Variants in FHIT observed in about 807,000 individuals in gnomAD.
The protein encoded by FHIT is bis(5'-adenosyl)-triphosphatase.
FHIT carries 19 observed loss-of-function variants against 17.9 expected under a neutral mutation model. The observed-to-expected ratio is 1.06, with a 90% confidence interval of 0.74 to 1.56. The LOEUF (loss-of-function observed/expected upper bound fraction) is 1.56. Ranked by LOEUF, FHIT falls within the 40% of genes most tolerant of loss-of-function variation. The probability of loss-of-function intolerance (pLI) is 0.00; values close to 1 mark genes in which losing one functional copy is unlikely to be tolerated. For missense variants in FHIT, 248 were observed against 189.2 expected (o/e 1.31, Z -1.82); for synonymous variants, 81 against 69.7 (o/e 1.16, Z -0.81).
At chr3:60,532,560 A>C (rs994260425) in intron 5 of FHIT, among the ~76,000 whole-genome samples, 2 of 152,250 alleles carry the variant, frequency 1.3e-5, no homozygotes, top group Admixed American at 1.3e-4. Flanking sequence ...TGTCACCAAG[A>C]AACTCTGAAA....
intron 5 of FHIT, among the ~76,000 whole-genome samples, chr3:60,107,884 T>C (rs972695394): frequency 1.3e-5 from 2 of 152,198 alleles, no homozygotes; most frequent in African/African-American, 2.4e-5. Flanking sequence ...CAGGAAAGAA[T>C]AGTGTTGACA....
chr3:60,350,493 A>G (rs112975579), intron 5 of FHIT, among the ~76,000 whole-genome samples: 1,542 of 152,248 alleles, frequency 0.01, 31 homozygotes, highest in African/African-American at 0.035. Flanking sequence ...CACAATTTTT[A>G]AAACCATTAT....
chr3:60,434,949 G>GT (rs1000491794), intron 5 of FHIT, among the ~76,000 whole-genome samples: 2 of 152,086 alleles, frequency 1.3e-5, no homozygotes, highest in Non-Finnish European at 2.9e-5. Context: ...TTGTAACAGT[G>GT]TTTTTTCTCC....
chr3:60,546,960 T>C (rs2036388091), intron 4 of FHIT, among the ~76,000 whole-genome samples: 1 of 152,152 alleles, frequency 6.6e-6, no homozygotes. Flanking sequence ...CACCTATTTC[T>C]TCAAGTTTTA....
At chr3:60,179,786 C>T (rs770508450) in intron 5 of FHIT, among the ~76,000 whole-genome samples, 1 of 152,116 alleles carries the variant, frequency 6.6e-6, no homozygotes, top group Non-Finnish European at 1.5e-5. Flanking sequence ...TAAGGAAAAG[C>T]TAGGCCATCT....
chr3:59,807,599 G>T (rs1162721491), intron 8 of FHIT, among the ~76,000 whole-genome samples: 1 of 152,160 alleles, frequency 6.6e-6, no homozygotes, highest in Non-Finnish European at 1.5e-5. Context: ...TTATTCTGTA[G>T]CATGTGCTGT....
chr3:59,963,526 T>C (rs1277347865), intron 7 of FHIT, among the ~76,000 whole-genome samples: 1 of 152,120 alleles, frequency 6.6e-6, no homozygotes, highest in Admixed American at 6.5e-5. Flanking sequence ...AACTTGAATC[T>C]CATTCAGTGG....
intron 2 of FHIT, among the ~76,000 whole-genome samples, chr3:61,045,484 T>C (rs1336030991): frequency 1.3e-5 from 2 of 152,174 alleles, no homozygotes; most frequent in Non-Finnish European, 2.9e-5. Flanking sequence ...CCCAGATTCA[T>C]AAAGCAAGAC....
intron 5 of FHIT, among the ~76,000 whole-genome samples, chr3:60,032,620 C>G (rs1244754802): frequency 6.6e-6 from 1 of 152,124 alleles, no homozygotes; most frequent in Admixed American, 6.6e-5. Flanking sequence ...CTACCTAAAT[C>G]TGCTGATCAA....
intron 2 of FHIT, among the ~76,000 whole-genome samples, chr3:61,113,553 C>T (rs567111661): frequency 9.9e-5 from 15 of 152,258 alleles, no homozygotes; most frequent in South Asian, 8.3e-4. Context: ...TTGTTCCTAA[C>T]TCTTAGTTAG....
chr3:59,836,520 A>C (rs1480906485), intron 8 of FHIT, among the ~76,000 whole-genome samples: 1 of 152,192 alleles, frequency 6.6e-6, no homozygotes, highest in African/African-American at 2.4e-5. Flanking sequence ...ACCTCTGCAC[A>C]TGCCATATGA....
intron 5 of FHIT, among the ~76,000 whole-genome samples, chr3:60,421,457 C>A (rs982933999): frequency 2.0e-5 from 3 of 152,010 alleles, no homozygotes; most frequent in African/African-American, 7.2e-5. Context: ...TGGTGAGACC[C>A]AGAAATTTTA....
chr3:59,792,192 T>C (rs1336802349), intron 8 of FHIT, among the ~76,000 whole-genome samples: 1 of 152,216 alleles, frequency 6.6e-6, no homozygotes. Context: ...TTGAACCCCA[T>C]GGAGGGTTTT....
intron 1 of FHIT, among the ~76,000 whole-genome samples, chr3:61,228,456 T>A (rs1223753774): frequency 6.6e-6 from 1 of 152,224 alleles, no homozygotes; most frequent in Admixed American, 6.5e-5. Flanking sequence ...CTACTCTTTA[T>A]CCAATTCCAT....
At chr3:60,997,316 A>G (rs1425477754) in intron 3 of FHIT, among the ~76,000 whole-genome samples, 1 of 152,148 alleles carries the variant, frequency 6.6e-6, no homozygotes, top group Non-Finnish European at 1.5e-5. Flanking sequence ...AGAAAGGTAA[A>G]GTGCTGGTAC....
intron 5 of FHIT, among the ~76,000 whole-genome samples, chr3:60,213,410 G>C (rs1703546814): frequency 6.6e-6 from 1 of 152,132 alleles, no homozygotes. Flanking sequence ...CAGCTACATG[G>C]GAGATGCTTC....
At chr3:60,511,022 G>C (rs1483796418) in intron 5 of FHIT, among the ~76,000 whole-genome samples, 1 of 152,086 alleles carries the variant, frequency 6.6e-6, no homozygotes, top group African/African-American at 2.4e-5. Flanking sequence ...ATAATGAGTA[G>C]CTATTTTATT....
chr3:60,343,774 T>C (rs1444260823), intron 5 of FHIT, among the ~76,000 whole-genome samples: 1 of 152,160 alleles, frequency 6.6e-6, no homozygotes, highest in Non-Finnish European at 1.5e-5. Context: ...GATTAAACCA[T>C]CCCTTTCTGT....
chr3:60,011,086 T>C (rs1353002104), intron 7 of FHIT, among the ~76,000 whole-genome samples: 2 of 152,206 alleles, frequency 1.3e-5, no homozygotes, highest in African/African-American at 4.8e-5. Flanking sequence ...CTCTCTCACA[T>C]GAACCACTTT....
Sources: allele counts gnomAD v4.1 joint callset (sites outside exome capture counted in the v4.1 genomes callset), GRCh38; gene constraint gnomAD v4.1.1; transcripts MANE v1.5; gene names NCBI Gene and HGNC (gene_info 2026-07-23, HGNC 2026-07-21).